OPRM1: variants seen among roughly 807,000 people sequenced by gnomAD.
The protein encoded by OPRM1 is mu-type opioid receptor.
A neutral mutation model predicts 31.8 loss-of-function variants in OPRM1; 27 were observed. The observed-to-expected ratio is 0.85, with a 90% confidence interval of 0.63 to 1.17. The LOEUF (loss-of-function observed/expected upper bound fraction) is 1.17. OPRM1 is among the 50% of genes most tolerant of loss of function. The pLI, the probability that OPRM1 is intolerant of heterozygous loss-of-function variation, is 0.00. For missense variants in OPRM1, 536 were observed against 511.1 expected, an observed-to-expected ratio of 1.05 and a Z score of -0.47; for synonymous variants, 196 against 189.9, an observed-to-expected ratio of 1.03 and a Z score of -0.26.
chr6:154,077,381 G>A (rs1788084606), intron 1 of OPRM1, among the ~76,000 whole-genome samples: 1 of 150,568 alleles, frequency 6.6e-6, no homozygotes, highest in African/African-American at 2.4e-5. Flanking sequence ...GCCTCCCAAA[G>A]TGCTGGGATT....
intron 1 of OPRM1, among the ~76,000 whole-genome samples, chr6:154,041,490 T>A (rs2128398351): frequency 6.6e-6 from 1 of 152,254 alleles, no homozygotes; most frequent in East Asian, 1.9e-4. Context: ...ATTCATAGAA[T>A]CATAAACTAA....
chr6:154,200,705 A>G (rs954500305), intron 3 of OPRM1, among the ~76,000 whole-genome samples: 1 of 152,336 alleles, frequency 6.6e-6, no homozygotes, highest in Non-Finnish European at 1.5e-5. Context: ...TGGGTGACAG[A>G]GTGAGACTCT....
chr6:154,116,352 G>C lies in OPRM1; in HGVS notation c.1165-2331G>C, dbSNP rs56143736. Among the ~76,000 whole-genome samples the C allele has an allele frequency of 1.9e-3, 295 of 152,038 alleles. 1 individual carries two copies. Among genetic ancestry groups the C allele is most frequent in the African/African-American group, 6.7e-3 (279 of 41,482 alleles). On this transcript the variant is annotated intron_variant, in intron 3 of 3. Coordinates refer to ENST00000330432, the MANE Select transcript of OPRM1 (RefSeq NM_000914.5). ...CTGTAATCCCACCATTTTGAAGGCC[G>C]AGGCAAGTAGATCACTTGAGGTCAA...
intron 3 of OPRM1, among the ~76,000 whole-genome samples, chr6:154,118,008 T>C (rs899305989): frequency 6.6e-6 from 1 of 152,138 alleles, no homozygotes; most frequent in Non-Finnish European, 1.5e-5. Context: ...TACAAACATC[T>C]CCTTTTCTCC....
intron 3 of OPRM1, among the ~76,000 whole-genome samples, chr6:154,234,803 T>C (rs1401211196): frequency 6.6e-6 from 1 of 152,228 alleles, no homozygotes; most frequent in African/African-American, 2.4e-5. Context: ...TTTCAGGTAG[T>C]CTGACATACA....
chr6:154,042,382 A>G (rs974332472), intron 1 of OPRM1, among the ~76,000 whole-genome samples: 2 of 152,222 alleles, frequency 1.3e-5, no homozygotes, highest in Non-Finnish European at 2.9e-5. Flanking sequence ...TGTTGCATCT[A>G]TTAAGTATTG....
rs1562498536 is a variant in OPRM1 at position 154,129,850 on chromosome 6, CAGCA to C, written c.*11130_*11133del. Among the ~76,000 whole-genome samples the C allele has an allele frequency of 8.6e-5, 12 of 139,662 alleles. No homozygotes were observed. Among genetic ancestry groups the C allele is most frequent in the African/African-American group, 2.5e-4 (9 of 35,538 alleles). The allele number at this position is 139,662 out of a possible 152,430, so 91.6% of individuals were successfully genotyped here. ...CTTTACCACCGACACCCTCCCCCCC[CAGCA>C]CACACACACACACACACACACACAC... On this transcript the variant is annotated 3_prime_UTR_variant, in exon 4 of 4. Coordinates refer to ENST00000330432, the MANE Select transcript of OPRM1 (RefSeq NM_000914.5).
rs1797363347 is a variant in OPRM1, at chr6:154,122,533, C to T, written c.*3812C>T. ...GGCAAAAGTAAATTAATGAGTCCAACTCTGGGGCATCCATTTAAGAGCCAT... is the reference window on the plus strand; with the variant it reads ...GGCAAAAGTAAATTAATGAGTCCAATTCTGGGGCATCCATTTAAGAGCCAT... On this transcript the variant is annotated 3_prime_UTR_variant, in exon 4 of 4. Transcript: ENST00000330432. Among the ~76,000 whole-genome samples, 1 of 152,188 alleles carries T rather than the reference C, an allele frequency of 6.6e-6. No homozygotes were observed. The highest frequency in any genetic ancestry group is 2.4e-5 in the African/African-American group (1 of 41,454).
chr6:154,235,560 G>T, intron 3 of OPRM1, among the ~76,000 whole-genome samples: 1 of 139,116 alleles, frequency 7.2e-6, no homozygotes, highest in African/African-American at 2.7e-5. Context: ...AAGTAATGAA[G>T]ACAAAGTTAA....
intron 1 of OPRM1, among the ~76,000 whole-genome samples, chr6:154,046,459 A>C (rs1207946166): frequency 2.0e-5 from 3 of 152,216 alleles, no homozygotes; most frequent in Admixed American, 2.0e-4. Context: ...ACAAACAAAC[A>C]AAAAATCCTG....
intron 3 of OPRM1, among the ~76,000 whole-genome samples, chr6:154,100,329 T>C (rs531249701): frequency 6.7e-6 from 1 of 148,942 alleles, no homozygotes; most frequent in East Asian, 2.0e-4. Context: ...GCAAGCCCAG[T>C]CATCCCCATT....
At position 154,039,675 on chromosome 6, in the gene OPRM1, C is replaced by T; in HGVS notation, c.131C>T (p.Pro44Leu). 1 of 1,614,076 alleles carries T rather than the reference C, an allele frequency of 6.2e-7. No individual in the cohort carries two copies. The highest frequency in any genetic ancestry group is 1.3e-5 in the African/African-American group (1 of 75,074). ...CACTTAGATGGCAACCTGTCCGACCCATGCGGTCCGAACCGCACCGACCTG... is the reference window on the plus strand; with the variant it reads ...CACTTAGATGGCAACCTGTCCGACCTATGCGGTCCGAACCGCACCGACCTG... ...LSHLDGNLSD[P>L]CGPNRTDLGG... Residue 44 changes from proline (P) to leucine (L), a missense_variant, in exon 1 of 4, where the codon CCA becomes CTA. Coordinates refer to ENST00000330432, the MANE Select transcript of OPRM1 (RefSeq NM_000914.5).
chr6:154,093,412 C>T, intron 3 of OPRM1: 1 of 1,614,150 alleles, frequency 6.2e-7, no homozygotes, highest in Non-Finnish European at 8.5e-7. Flanking sequence ...AATACTGCTC[C>T]CAGCCCGTCT....
At chr6:154,244,551 A>G (rs537721936) in intron 3 of OPRM1, among the ~76,000 whole-genome samples, 3 of 152,268 alleles carry the variant, frequency 2.0e-5, no homozygotes, top group Non-Finnish European at 4.4e-5. Flanking sequence ...GGAATGCATG[A>G]GTGTATCTAA....
At chr6:154,086,638 T>C (rs1317550360) in intron 1 of OPRM1, 7 of 983,878 alleles carry the variant, frequency 7.1e-6, no homozygotes, top group Non-Finnish European at 8.4e-6. Context: ...TAAACATACA[T>C]TGGAAATACT....
chr6:154,179,510 T>G (rs1371448731), intron 3 of OPRM1, among the ~76,000 whole-genome samples: 1 of 152,150 alleles, frequency 6.6e-6, no homozygotes, highest in Non-Finnish European at 1.5e-5. Flanking sequence ...CCCCCCCTTA[T>G]CTTCTGAAGC....
chr6:154,071,936 C>T (rs1019624368), intron 1 of OPRM1, among the ~76,000 whole-genome samples: 4 of 152,178 alleles, frequency 2.6e-5, no homozygotes, highest in African/African-American at 9.7e-5. Context: ...GGAGAGTCCT[C>T]ATCTGATGTT....
intron 3 of OPRM1, among the ~76,000 whole-genome samples, chr6:154,143,285 T>C (rs1443710150): frequency 1.3e-5 from 2 of 152,316 alleles, no homozygotes; most frequent in South Asian, 4.1e-4. Flanking sequence ...CTGGCATACC[T>C]AGTCCTTCTC....
At chr6:154,207,823 GT>G (rs1241025097) in intron 3 of OPRM1, among the ~76,000 whole-genome samples, 1 of 152,062 alleles carries the variant, frequency 6.6e-6, no homozygotes, top group Non-Finnish European at 1.5e-5. Context: ...GGATTGTTGT[GT>G]TGAAATAATC....
Sources: gnomAD v4.1 joint callset for allele counts (sites outside exome capture counted in the v4.1 genomes callset) on GRCh38, gnomAD v4.1.1 for gene constraint, MANE v1.5 for transcripts, NCBI Gene and HGNC (gene_info 2026-07-23, HGNC 2026-07-21) for gene names.